The following SLC22A25 variants were observed in gnomAD, a reference collection of about 807,000 sequenced individuals.
SLC22A25 encodes the protein solute carrier family 22 member 25.
Under a neutral mutation model 45.9 loss-of-function variants are expected in SLC22A25, and 44 were observed. That is an observed-to-expected ratio of 0.96 (90% CI 0.75 to 1.23). The LOEUF (loss-of-function observed/expected upper bound fraction) is 1.23, where lower values mean the gene tolerates loss of function less well. Ranked by LOEUF, SLC22A25 falls within the 50% of genes most tolerant of loss-of-function variation. SLC22A25 has a pLI of 0.00. For missense variants in SLC22A25, 800 were observed against 666.4 expected (o/e 1.20, Z -2.21); for synonymous variants, 283 against 238.6 (o/e 1.19, Z -1.72).
intron 9 of SLC22A25, among the ~76,000 whole-genome samples, chr11:63,168,783 C>G (rs1176516420): frequency 6.6e-6 from 1 of 152,118 alleles, no homozygotes; most frequent in East Asian, 1.9e-4. Context: ...CCTAGCAAGA[C>G]AGGCCAACAT....
chr11:63,185,443 C>T (rs1300496431), intron 7 of SLC22A25, among the ~76,000 whole-genome samples: 2 of 151,966 alleles, frequency 1.3e-5, no homozygotes, highest in Non-Finnish European at 2.9e-5. Context: ...CAGCTTCATC[C>T]ATGTCTCTAC....
At chr11:63,237,079 G>A (rs1358786229) in intron 3 of SLC22A25, among the ~76,000 whole-genome samples, 2 of 152,122 alleles carry the variant, frequency 1.3e-5, no homozygotes, top group Non-Finnish European at 2.9e-5. Context: ...GTATTAAGAG[G>A]TGGTGCAGGA....
At chr11:63,220,093 T>A in intron 5 of SLC22A25, 1 of 1,034,906 alleles carries the variant, frequency 9.7e-7, no homozygotes. Flanking sequence ...TGTGACAATA[T>A]TGTCCTTAGA....
In SLC22A25 at chr11:63,229,541, C is replaced by G. The variant is rs1413324006; in HGVS notation, c.112G>C (p.Glu38Gln). Residue 38 changes from glutamate to glutamine, a missense_variant, in exon 4 of 12, where the codon GAG becomes CAG. Transcript: ENST00000306494. ...TCAAGTATGAATGCTGCGAAGTTCT[C>G]CAGCTGAGTTTGATGGTATACTATG... ...NVIVYHQTQL[E>Q]NFAAFILDHR... is the part of the protein sequence containing the mutation. 6.2e-7 allele frequency: 1 copy of G among 1,613,878 alleles called. No individual in the cohort carries two copies. The highest frequency in any genetic ancestry group is 2.2e-5 in the East Asian group (1 of 44,884).
At chr11:63,232,034 A>G (rs1199872284) in intron 3 of SLC22A25, among the ~76,000 whole-genome samples, 1 of 152,166 alleles carries the variant, frequency 6.6e-6, no homozygotes, top group African/African-American at 2.4e-5. Context: ...TGGTTACTGT[A>G]GCCTTGTAGT....
chr11:63,185,528 A>C (rs866836493), intron 7 of SLC22A25, among the ~76,000 whole-genome samples: 5 of 146,764 alleles, frequency 3.4e-5, no homozygotes, highest in Non-Finnish European at 6.0e-5. Context: ...TTCTTTTTTT[A>C]TTTTTATTTT....
chr11:63,235,186 G>T (rs1358380941), intron 3 of SLC22A25, among the ~76,000 whole-genome samples: 1 of 152,112 alleles, frequency 6.6e-6, no homozygotes, highest in Non-Finnish European at 1.5e-5. Context: ...TTTGAATGTT[G>T]GCCTGCCTTG....
chr11:63,185,811 G>A, intron 7 of SLC22A25, among the ~76,000 whole-genome samples: 1 of 145,756 alleles, frequency 6.9e-6, no homozygotes, highest in Non-Finnish European at 1.5e-5. Flanking sequence ...TTTTGTTCTT[G>A]CGATAGTTTA....
chr11:63,185,528 A>ATTTTTAT (rs57259778), intron 7 of SLC22A25, among the ~76,000 whole-genome samples: 67,418 of 146,668 alleles, frequency 0.46, 15,704 homozygotes, highest in East Asian at 0.56. Context: ...TTCTTTTTTT[A>ATTTTTAT]TTTTTATTTT....
chr11:63,232,294 C>G (rs957870459), intron 3 of SLC22A25, among the ~76,000 whole-genome samples: 65 of 152,080 alleles, frequency 4.3e-4, no homozygotes, highest in African/African-American at 1.4e-3. Context: ...TTGTTTGTAT[C>G]CTCTTTTATT....
chr11:63,170,643 T>C (rs2134714027), intron 9 of SLC22A25, among the ~76,000 whole-genome samples: 1 of 152,132 alleles, frequency 6.6e-6, no homozygotes, highest in African/African-American at 2.4e-5. Context: ...AATAGACCAA[T>C]AACAAGTTCT....
Position 63,229,357 on chromosome 11 carries a change from AT to A in SLC22A25, c.295del (p.Ile99PhefsTer3). The A allele has an allele frequency of 1.2e-6, 2 of 1,613,996 alleles. No homozygotes were observed. Among genetic ancestry groups the A allele is most frequent in the Non-Finnish European group, 1.7e-6 (2 of 1,179,926 alleles). ...GTTGGGGAAGGTCCCATTCAGATGA[AT>A]GAGCTTCCACTGGGGATGGACAAAG... ...RRFVHPQWKL[I>X]HLNGTFPNTS... is the part of the protein sequence containing the mutation. On this transcript the variant is annotated frameshift_variant, in exon 4 of 12. Coordinates refer to ENST00000306494, the MANE Select transcript of SLC22A25 (RefSeq NM_199352.6). LOFTEE classifies it high-confidence loss of function.
At chr11:63,234,848 C>G (rs2090135854) in intron 3 of SLC22A25, among the ~76,000 whole-genome samples, 1 of 152,176 alleles carries the variant, frequency 6.6e-6, no homozygotes, top group Middle Eastern at 3.2e-3. Flanking sequence ...GACAAACTCT[C>G]TCAGCATTTG....
intron 9 of SLC22A25, among the ~76,000 whole-genome samples, chr11:63,172,095 C>T (rs1448091425): frequency 7.9e-5 from 12 of 152,056 alleles, no homozygotes; most frequent in African/African-American, 2.9e-4. Context: ...TAGCCATATG[C>T]AGAAAACTGA....
At chr11:63,190,114 C>G (rs1420487849) in intron 7 of SLC22A25, among the ~76,000 whole-genome samples, 2 of 152,200 alleles carry the variant, frequency 1.3e-5, no homozygotes, top group African/African-American at 4.8e-5. Flanking sequence ...TGGGGAAGTT[C>G]TCCTGGATAA....
intron 7 of SLC22A25, among the ~76,000 whole-genome samples, chr11:63,188,949 G>T (rs558296738): frequency 6.6e-6 from 1 of 152,234 alleles, no homozygotes; most frequent in Non-Finnish European, 1.5e-5. Context: ...ATTTGCTGAG[G>T]AGTGCTTTAC....
At position 63,228,543 on chromosome 11, in the gene SLC22A25, G is replaced by A; in HGVS notation, c.424C>T (p.Gln142Ter). Residue 142 changes from glutamine to a stop codon, truncating the protein, a stop_gained, in exon 5 of 12, where the codon CAA becomes TAA. Transcript: ENST00000306494. LOFTEE classifies it high-confidence loss of function. ...AATTTAGCTACTGAATTCAGTGGTT[G>A]AGATTCGCATACCAGATCCCACTGG... Reference protein sequence around the residue: ...VTKWDLVCESQPLNSVAKFLF... With the variant: ...VTKWDLVCES 6.2e-7 allele frequency: 1 copy of A among 1,613,622 alleles called. No individual in the cohort carries two copies. The highest frequency in any genetic ancestry group is 1.1e-5 in the South Asian group (1 of 91,038).
intron 9 of SLC22A25, chr11:63,166,722 G>T: frequency 1.0e-6 from 1 of 994,112 alleles, no homozygotes; most frequent in Non-Finnish European, 1.2e-6. Context: ...ACAACTTATT[G>T]GGTACAGATT....
At position 63,160,016 on chromosome 11, in the gene SLC22A25, G is replaced by A. The variant is rs149200298; in HGVS notation, c.*3808C>T. Among the ~76,000 whole-genome samples, 371 of 152,214 alleles carry A rather than the reference G, an allele frequency of 2.4e-3. 1 individual carries two copies. Among genetic ancestry groups the A allele is most frequent in the African/African-American group, 8.0e-3 (334 of 41,548 alleles). ...AGCAGCAAAGCATTCAAGATGTGAC[G>A]GGTGCTGTTAAAAGCAGTCAGTTTT... On this transcript the variant is annotated 3_prime_UTR_variant, in exon 12 of 12. Coordinates refer to ENST00000306494, the MANE Select transcript of SLC22A25 (RefSeq NM_199352.6).
Sources: gnomAD v4.1 joint callset for allele counts (sites outside exome capture counted in the v4.1 genomes callset) on GRCh38, gnomAD v4.1.1 for gene constraint, MANE v1.5 for transcripts, NCBI Gene and HGNC (gene_info 2026-07-23, HGNC 2026-07-21) for gene names.